The following SHTN1 variants were observed in gnomAD, a reference collection of about 807,000 sequenced individuals.
SHTN1 encodes shootin-1.
Under a neutral mutation model 83.1 loss-of-function variants are expected in SHTN1, and 42 were observed. The observed-to-expected ratio is 0.51, with a 90% CI of 0.39 to 0.65. SHTN1 has a LOEUF of 0.65. SHTN1 is among the 30% of genes least tolerant of loss of function. The pLI, the probability that SHTN1 is intolerant of heterozygous loss-of-function variation, is 0.00. For synonymous variants in SHTN1, 224 were observed against 247.7 expected, an observed-to-expected ratio of 0.90 and a Z score of 0.90; for missense variants, 622 against 737.8, an observed-to-expected ratio of 0.84 and a Z score of 1.82.
In SHTN1 at chr10:116,910,098, T is replaced by G. The variant is rs1369174648; in HGVS notation, c.1359+1692A>C. Among the ~76,000 whole-genome samples, 5 of 152,266 alleles carry G rather than the reference T, an allele frequency of 3.3e-5. No individual in the cohort carries two copies. In the East Asian group the frequency reaches 9.6e-4, roughly 29 times the overall value. ...GGCAGGTCGAGCTAGGAGCTTTCTT[T>G]TTATCTTTCTTATAAGAATGTGTGT... is the stretch of plus-strand genomic sequence containing the variant. On this transcript the variant is annotated intron_variant, in intron 14 of 16. Transcript: ENST00000355371.
rs144354408 is a variant in SHTN1 at position 117,055,846 on chromosome 10, C to T, written c.-188-7336G>A. Among the ~76,000 whole-genome samples the T allele has an allele frequency of 6.5e-3, 989 of 152,120 alleles. 12 individuals carry two copies. Among genetic ancestry groups the T allele is most frequent in the African/African-American group, 0.023 (946 of 41,484 alleles). On this transcript the variant is annotated intron_variant, in intron 1 of 17. Transcript: ENST00000392901. ...TCATGCCACTGTACTACAGCCTGAG[C>T]GACAGAGCAAGACCCTGTCTCTAAG...
intron 7 of SHTN1, among the ~76,000 whole-genome samples, chr10:116,946,550 TAAAATGATTTATATATAAATATATA>T (rs1849593487): frequency 7.9e-6 from 1 of 126,986 alleles, no homozygotes; most frequent in Non-Finnish European, 1.6e-5. Flanking sequence ...TATAAATATA[TAAAATGATTTATATATAAATATATA>T]AAATGATTTA....
At chr10:116,954,344 G>T in intron 4 of SHTN1, 134 bp from the exon 5 acceptor site, 11 of 546,040 alleles carry the variant, frequency 2.0e-5, no homozygotes, top group South Asian at 1.2e-4. Flanking sequence ...AACAATTAGT[G>T]GATTCATTAA....
At chr10:116,988,093 T>A (rs1851287310) in intron 1 of SHTN1, among the ~76,000 whole-genome samples, 1 of 152,192 alleles carries the variant, frequency 6.6e-6, no homozygotes, top group Non-Finnish European at 1.5e-5. Context: ...AAGTGAGCCC[T>A]AATGTAAATT....
chr10:116,930,032 T>C, intron 9 of SHTN1, 30 bp from the exon 10 acceptor site: 3 of 1,437,322 alleles, frequency 2.1e-6, no homozygotes, highest in East Asian at 4.8e-5. Context: ...AAAAGACTTT[T>C]ATGGCTGACA....
At chr10:117,102,758 C>T (rs904843086) in intron 1 of SHTN1, among the ~76,000 whole-genome samples, 3 of 152,084 alleles carry the variant, frequency 2.0e-5, no homozygotes, top group African/African-American at 7.2e-5. Context: ...CTATAAAGCT[C>T]TATTCTCTCA....
intron 1 of SHTN1, among the ~76,000 whole-genome samples, chr10:116,998,398 AC>A (rs989713839): frequency 5.4e-4 from 82 of 152,278 alleles, no homozygotes; most frequent in African/African-American, 1.9e-3. Context: ...AAAATAGATG[AC>A]TACAGTACCA....
intron 1 of SHTN1, among the ~76,000 whole-genome samples, chr10:116,984,166 A>G (rs1851145827): frequency 6.6e-6 from 1 of 151,960 alleles, no homozygotes; most frequent in South Asian, 2.1e-4. Context: ...TAATCACTCT[A>G]CCTCTAGCAC....
At chr10:116,914,657 C>T (rs536926664) in intron 13 of SHTN1, among the ~76,000 whole-genome samples, 1 of 151,862 alleles carries the variant, frequency 6.6e-6, no homozygotes, top group African/African-American at 2.4e-5. Flanking sequence ...TCAGTTCATA[C>T]CTAATTAGAG....
chr10:116,920,426 A>G (rs1848519282), intron 12 of SHTN1, among the ~76,000 whole-genome samples: 2 of 152,058 alleles, frequency 1.3e-5, no homozygotes, highest in Non-Finnish European at 2.9e-5. Context: ...TCGATCTCCA[A>G]TGAACCAGAG....
upstream of SHTN1, among the ~76,000 whole-genome samples, chr10:117,009,521 C>T (rs754131273): frequency 1.9e-4 from 29 of 151,908 alleles, no homozygotes; most frequent in Non-Finnish European, 3.7e-4. Context: ...TAATATCAGA[C>T]AAAACAGACT....
chr10:116,923,561 T>TA (rs568637657), intron 11 of SHTN1, among the ~76,000 whole-genome samples: 1 of 127,862 alleles, frequency 7.8e-6, no homozygotes, highest in African/African-American at 3.9e-5. Context: ...CTTTCTTTCC[T>TA]TTTTTTTTTT....
At chr10:116,975,844 T>C (rs751754329) in intron 2 of SHTN1, among the ~76,000 whole-genome samples, 1 of 152,214 alleles carries the variant, frequency 6.6e-6, no homozygotes, top group African/African-American at 2.4e-5. Flanking sequence ...TGTGAATGTT[T>C]TGACATAAGA....
At chr10:117,004,239 T>A (rs1282832748) in intron 1 of SHTN1, among the ~76,000 whole-genome samples, 1 of 152,172 alleles carries the variant, frequency 6.6e-6, no homozygotes, top group Non-Finnish European at 1.5e-5. Context: ...GTCAGGGTAA[T>A]AATGATAAGT....
intron 8 of SHTN1, among the ~76,000 whole-genome samples, chr10:116,941,532 C>T (rs1589827094): frequency 1.3e-5 from 2 of 152,300 alleles, no homozygotes; most frequent in East Asian, 3.9e-4. Flanking sequence ...ATCTGGCCTA[C>T]CAATTTTATA....
intron 8 of SHTN1, among the ~76,000 whole-genome samples, chr10:116,942,081 T>A (rs1263257712): frequency 1.3e-5 from 2 of 152,188 alleles, no homozygotes; most frequent in African/African-American, 4.8e-5. Context: ...GCATGTACAC[T>A]TGGCTGGAGA....
intron 1 of SHTN1, among the ~76,000 whole-genome samples, chr10:117,058,081 G>C (rs1852850681): frequency 6.6e-6 from 1 of 152,112 alleles, no homozygotes; most frequent in African/African-American, 2.4e-5. Context: ...AACTCTTAGA[G>C]GGAAACACAG....
chr10:116,982,053 G>A (rs538158214), intron 1 of SHTN1, among the ~76,000 whole-genome samples: 7 of 152,174 alleles, frequency 4.6e-5, no homozygotes, highest in East Asian at 1.9e-4. Context: ...GCAAGACTCC[G>A]TCTCAAAAAC....
intron 1 of SHTN1, among the ~76,000 whole-genome samples, chr10:117,107,447 A>G (rs960546644): frequency 1.2e-5 from 1 of 84,462 alleles, no homozygotes; most frequent in Non-Finnish European, 4.1e-5. Flanking sequence ...CAGAACCTAA[A>G]GAGGAAGCAA....
Sources: gnomAD v4.1 joint callset for allele counts (sites outside exome capture counted in the v4.1 genomes callset) on GRCh38, gnomAD v4.1.1 for gene constraint, MANE v1.5 for transcripts, NCBI Gene and HGNC (gene_info 2026-07-23, HGNC 2026-07-21) for gene names.